Variants in YES1 observed in about 807,000 individuals in gnomAD.
The protein encoded by YES1 is tyrosine-protein kinase Yes.
Under a neutral mutation model 70.4 loss-of-function variants are expected in YES1, and 39 were observed. The observed-to-expected ratio is 0.55, with a 90% CI of 0.43 to 0.72. The LOEUF is 0.72. Among genes scored for constraint, YES1 ranks in the 30% least tolerant of loss-of-function variants. The probability of loss-of-function intolerance (pLI) is 0.00; values close to 1 mark genes in which losing one functional copy is unlikely to be tolerated. For missense variants in YES1, 495 were observed against 644.8 expected (o/e 0.77, Z 2.52); for synonymous variants, 198 against 218.6 (o/e 0.91, Z 0.83).
intron 1 of YES1, among the ~76,000 whole-genome samples, chr18:811,326 T>G (rs1907368378): frequency 6.6e-6 from 1 of 152,270 alleles, no homozygotes; most frequent in African/African-American, 2.4e-5. Context: ...AAATCCGAAC[T>G]GTTAAGTCCT....
At chr18:811,358 A>G (rs1484221713) in intron 1 of YES1, among the ~76,000 whole-genome samples, 2 of 152,116 alleles carry the variant, frequency 1.3e-5, no homozygotes, top group South Asian at 4.1e-4. Flanking sequence ...AACAAAAACT[A>G]AAGTCCCTAC....
chr18:761,313 C>A (rs1904581838), intron 1 of YES1, among the ~76,000 whole-genome samples: 1 of 151,514 alleles, frequency 6.6e-6, no homozygotes, highest in East Asian at 1.9e-4. Flanking sequence ...AAATTACCTG[C>A]ATCCAAAGTC....
rs1445377300 is a variant in YES1, at chr18:735,273, A to G, written c.1291+1535T>C. ...TAAATGACCATTGACCAATGAGTGG[A>G]TAAAAAAAAATGTGGCATATATACA... On this transcript the variant is annotated intron_variant, in intron 10 of 11. Coordinates refer to ENST00000314574, the MANE Select transcript of YES1 (RefSeq NM_005433.4). 2.0e-5 allele frequency among the ~76,000 whole-genome samples: 3 copies of G among 152,156 alleles called. 1 individual carries two copies. Among genetic ancestry groups the G allele is most frequent in the Admixed American group, 2.0e-4 (3 of 15,252 alleles).
rs564068954 is a variant in YES1 at position 757,376 on chromosome 18, G to A, written c.-8-541C>T. Among the ~76,000 whole-genome samples the A allele has an allele frequency of 3.1e-4, 47 of 151,650 alleles. No individual in the cohort carries two copies. In the Middle Eastern group the frequency reaches 0.01, roughly 33 times the overall value. On this transcript the variant is annotated intron_variant, in intron 1 of 11. Coordinates refer to ENST00000314574, the MANE Select transcript of YES1 (RefSeq NM_005433.4). ...AAATTAGCCGGGCGTGGTGGTGGGC[G>A]CCTGTAGTCCCAGCTACTCGGGAGG...
At chr18:747,581 A>G (rs1439528157) in intron 4 of YES1, among the ~76,000 whole-genome samples, 1 of 152,224 alleles carries the variant, frequency 6.6e-6, no homozygotes, top group Admixed American at 6.5e-5. Context: ...TTAAAAAATA[A>G]GTCAAGGCAG....
intron 1 of YES1, among the ~76,000 whole-genome samples, chr18:792,720 G>A (rs1906332466): frequency 6.6e-6 from 1 of 151,990 alleles, no homozygotes; most frequent in Non-Finnish European, 1.5e-5. Flanking sequence ...CAGCACTTTG[G>A]AAGGCTGAGA....
At chr18:738,949 GAGT>G (rs1475446457) in intron 9 of YES1, 1 of 152,018 alleles carries the variant, frequency 6.6e-6, no homozygotes, top group African/African-American at 2.4e-5. Context: ...TCAGCCTCCT[GAGT>G]AGCTGGGATT....
chr18:760,874 C>T, intron 1 of YES1, among the ~76,000 whole-genome samples: 1 of 152,084 alleles, frequency 6.6e-6, no homozygotes, highest in East Asian at 1.9e-4. Flanking sequence ...CTTGTTCTCT[C>T]AATATATAAT....
chr18:795,804 T>C (rs1906511959), intron 1 of YES1, among the ~76,000 whole-genome samples: 1 of 151,634 alleles, frequency 6.6e-6, no homozygotes, highest in Non-Finnish European at 1.5e-5. Flanking sequence ...ACCTAATGCA[T>C]GCGGGGCTTA....
intron 1 of YES1, among the ~76,000 whole-genome samples, chr18:782,617 T>C (rs1427413574): frequency 1.3e-5 from 2 of 152,252 alleles, no homozygotes; most frequent in Non-Finnish European, 1.5e-5. Flanking sequence ...TACACATCTA[T>C]GATTTTAAAT....
chr18:750,536 T>C (rs943598219), intron 3 of YES1, among the ~76,000 whole-genome samples: 1 of 152,162 alleles, frequency 6.6e-6, no homozygotes, highest in Non-Finnish European at 1.5e-5. Context: ...CAAAAATGTC[T>C]CCAGATACTG....
chr18:784,037 T>C (rs1444136720), intron 1 of YES1, among the ~76,000 whole-genome samples: 2 of 152,188 alleles, frequency 1.3e-5, no homozygotes, highest in Non-Finnish European at 2.9e-5. Flanking sequence ...TACGACGGAA[T>C]TTCCCCAAAT....
chr18:753,710 T>TC (rs1261548892), intron 2 of YES1, among the ~76,000 whole-genome samples: 2 of 152,164 alleles, frequency 1.3e-5, no homozygotes, highest in Non-Finnish European at 2.9e-5. Flanking sequence ...GGTCTCAAAC[T>TC]CCTGACCTCA....
At chr18:728,564 T>C (rs887490189) in intron 11 of YES1, among the ~76,000 whole-genome samples, 3 of 152,198 alleles carry the variant, frequency 2.0e-5, no homozygotes, top group Admixed American at 1.3e-4. Flanking sequence ...TCTTGCTCTG[T>C]TGCCCAAGCT....
chr18:767,015 T>C (rs1489512251), intron 1 of YES1, among the ~76,000 whole-genome samples: 1 of 152,202 alleles, frequency 6.6e-6, no homozygotes, highest in Non-Finnish European at 1.5e-5. Context: ...GTTTTATGTG[T>C]CCGGAAAATT....
At chr18:771,003 C>T (rs528922384) in intron 1 of YES1, among the ~76,000 whole-genome samples, 1 of 148,228 alleles carries the variant, frequency 6.7e-6, no homozygotes, top group Non-Finnish European at 1.5e-5. Context: ...GATATCCCAT[C>T]TCAAAAAAAA....
intron 1 of YES1, among the ~76,000 whole-genome samples, chr18:784,322 G>A (rs571957710): frequency 2.6e-4 from 40 of 152,292 alleles, no homozygotes; most frequent in African/African-American, 9.4e-4. Flanking sequence ...GAAGATATGT[G>A]TTGTTATTAT....
chr18:743,228 A>C lies in YES1; in HGVS notation c.880+32T>G, dbSNP rs536950970. ...GTTGCACTTTAATCCACAGCTAAACAATGACAGAAAACAAAAATTCAGGCT... is the reference window on the plus strand; with the variant it reads ...GTTGCACTTTAATCCACAGCTAAACCATGACAGAAAACAAAAATTCAGGCT... On this transcript the variant is annotated intron_variant, in intron 7 of 11. Coordinates refer to ENST00000314574, the MANE Select transcript of YES1 (RefSeq NM_005433.4). 3.8e-6 allele frequency: 6 copies of C among 1,599,444 alleles called. No homozygotes were observed. In the East Asian group the frequency reaches 1.1e-4, roughly 30 times the overall value.
At chr18:793,377 C>T (rs566140434) in intron 1 of YES1, among the ~76,000 whole-genome samples, 28 of 152,112 alleles carry the variant, frequency 1.8e-4, no homozygotes, top group African/African-American at 5.5e-4. Flanking sequence ...CACTCTGTCA[C>T]CCAGGCTACA....
Sources: allele counts gnomAD v4.1 joint callset (sites outside exome capture counted in the v4.1 genomes callset), GRCh38; gene constraint gnomAD v4.1.1; transcripts MANE v1.5; gene names NCBI Gene and HGNC (gene_info 2026-07-23, HGNC 2026-07-21).